The following CNTNAP2 variants were observed in gnomAD, a reference collection of about 807,000 sequenced individuals.
The protein encoded by CNTNAP2 is contactin-associated protein-like 2.
Under a neutral mutation model 155.2 loss-of-function variants are expected in CNTNAP2, and 98 were observed. That is an observed-to-expected ratio of 0.63 (90% confidence interval 0.54 to 0.75). The LOEUF is 0.75. Ranked by LOEUF, CNTNAP2 falls within the 30% of genes least tolerant of loss-of-function variation. The pLI, the probability that CNTNAP2 is intolerant of heterozygous loss-of-function variation, is 0.00. For missense variants in CNTNAP2, 1,727 were observed against 1,688.1 expected (o/e 1.02, Z -0.40); for synonymous variants, 651 against 631.2 (o/e 1.03, Z -0.47).
At chr7:148,113,094 A>G (rs1391257844) in intron 15 of CNTNAP2, among the ~76,000 whole-genome samples, 2 of 152,218 alleles carry the variant, frequency 1.3e-5, no homozygotes, top group Non-Finnish European at 2.9e-5. Flanking sequence ...TTGGAATCCT[A>G]TACTATCTTA....
chr7:146,993,209 G>A (rs1798241694), intron 3 of CNTNAP2, among the ~76,000 whole-genome samples: 1 of 152,170 alleles, frequency 6.6e-6, no homozygotes, highest in Non-Finnish European at 1.5e-5. Flanking sequence ...CTTCTGACTT[G>A]GGGTTGGCAT....
intron 16 of CNTNAP2, among the ~76,000 whole-genome samples, chr7:148,138,993 G>A (rs1329178180): frequency 6.6e-6 from 1 of 152,068 alleles, no homozygotes; most frequent in Non-Finnish European, 1.5e-5. Flanking sequence ...TTTTTGTATG[G>A]CCAATGGTAT....
intron 8 of CNTNAP2, among the ~76,000 whole-genome samples, chr7:147,229,310 C>A (rs1803624591): frequency 6.6e-6 from 1 of 152,140 alleles, no homozygotes; most frequent in Non-Finnish European, 1.5e-5. Context: ...ACTCCTTAGT[C>A]AATCTTTTAA....
At chr7:148,195,961 G>T (rs1391949609) in intron 18 of CNTNAP2, among the ~76,000 whole-genome samples, 1 of 152,212 alleles carries the variant, frequency 6.6e-6, no homozygotes, top group Non-Finnish European at 1.5e-5. Context: ...CCTGCAAAAT[G>T]TTAGTGGGAA....
intron 1 of CNTNAP2, among the ~76,000 whole-genome samples, chr7:146,771,769 G>T (rs1585082703): frequency 6.6e-6 from 1 of 152,070 alleles, no homozygotes. Flanking sequence ...AGTATCATTG[G>T]GGACTTAAGT....
chr7:147,825,582 A>T (rs2116627688), intron 13 of CNTNAP2, among the ~76,000 whole-genome samples: 1 of 152,338 alleles, frequency 6.6e-6, no homozygotes, highest in African/African-American at 2.4e-5. Context: ...ATTAAAAATA[A>T]ACATCTAAAG....
At chr7:147,151,482 AT>A (rs929766306) in intron 8 of CNTNAP2, among the ~76,000 whole-genome samples, 2 of 152,130 alleles carry the variant, frequency 1.3e-5, no homozygotes, top group Non-Finnish European at 2.9e-5. Context: ...ATAAACTATA[AT>A]TTTTTTCAGC....
At chr7:147,915,260 G>C (rs1037533635) in intron 14 of CNTNAP2, among the ~76,000 whole-genome samples, 1 of 148,262 alleles carries the variant, frequency 6.7e-6, no homozygotes. Flanking sequence ...GGATTCCTCC[G>C]CTCAGCGGGC....
At chr7:146,911,013 C>T (rs1307858405) in intron 3 of CNTNAP2, among the ~76,000 whole-genome samples, 1 of 151,804 alleles carries the variant, frequency 6.6e-6, no homozygotes, top group Non-Finnish European at 1.5e-5. Flanking sequence ...ACAGACACTT[C>T]TCAAGAGAAG....
chr7:147,895,170 C>T (rs1385334506), intron 13 of CNTNAP2, among the ~76,000 whole-genome samples: 2 of 144,786 alleles, frequency 1.4e-5, no homozygotes, highest in African/African-American at 2.5e-5. Context: ...AACGGGGTTT[C>T]ATCATGTTGG....
intron 8 of CNTNAP2, among the ~76,000 whole-genome samples, chr7:147,148,938 A>C (rs1270421901): frequency 6.6e-6 from 1 of 152,204 alleles, no homozygotes; most frequent in Non-Finnish European, 1.5e-5. Context: ...ACAGCTCATA[A>C]AGGTAGCACA....
At chr7:146,434,573 T>G (rs1344811133) in intron 1 of CNTNAP2, among the ~76,000 whole-genome samples, 17 of 151,956 alleles carry the variant, frequency 1.1e-4, no homozygotes, top group Admixed American at 1.1e-3. Context: ...TCAGAAGAGG[T>G]GGGAGCACAA....
chr7:146,438,110 C>T (rs573927141), intron 1 of CNTNAP2, among the ~76,000 whole-genome samples: 35 of 151,494 alleles, frequency 2.3e-4, no homozygotes, highest in Non-Finnish European at 1.2e-4. Flanking sequence ...ATCTAGCTTA[C>T]ATTGGTCATA....
intron 21 of CNTNAP2, among the ~76,000 whole-genome samples, chr7:148,337,317 G>C (rs1462223955): frequency 6.6e-6 from 1 of 152,068 alleles, no homozygotes; most frequent in East Asian, 1.9e-4. Context: ...CTGATGCCCT[G>C]ACCCGCCTGC....
At chr7:146,241,455 A>G (rs979239952) in intron 1 of CNTNAP2, among the ~76,000 whole-genome samples, 13 of 152,204 alleles carry the variant, frequency 8.5e-5, no homozygotes, top group African/African-American at 3.1e-4. Context: ...ACATACATAC[A>G]AGCATGGCTG....
intron 16 of CNTNAP2, among the ~76,000 whole-genome samples, chr7:148,118,688 A>G (rs1316038213): frequency 2.0e-5 from 3 of 152,202 alleles, no homozygotes; most frequent in Non-Finnish European, 4.4e-5. Flanking sequence ...GTCAAGGAAG[A>G]CAGGAATGAT....
At chr7:148,026,836 A>G (rs1802385178) in intron 15 of CNTNAP2, among the ~76,000 whole-genome samples, 1 of 152,212 alleles carries the variant, frequency 6.6e-6, no homozygotes, top group Non-Finnish European at 1.5e-5. Context: ...CCTGAGGTCT[A>G]CCAAAACCTC....
chr7:146,151,980 A>G (rs769010360), intron 1 of CNTNAP2, among the ~76,000 whole-genome samples: 15 of 151,528 alleles, frequency 9.9e-5, no homozygotes, highest in Non-Finnish European at 1.8e-4. Context: ...TTAAAAAAAG[A>G]ACTACCATAT....
chr7:146,773,470 A>G (rs1802332647), intron 1 of CNTNAP2, among the ~76,000 whole-genome samples: 1 of 152,194 alleles, frequency 6.6e-6, no homozygotes, highest in Non-Finnish European at 1.5e-5. Context: ...ATCTTGGCTC[A>G]CCGCAACCTC....
Sources: allele counts gnomAD v4.1 joint callset (sites outside exome capture counted in the v4.1 genomes callset), GRCh38; gene constraint gnomAD v4.1.1; transcripts MANE v1.5; gene names NCBI Gene and HGNC (gene_info 2026-07-23, HGNC 2026-07-21).